The following GTF2I variants were observed in gnomAD, a reference collection of about 807,000 sequenced individuals.
GTF2I encodes the protein general transcription factor IIi, also known as general transcription factor II-I.
In GTF2I, 12 loss-of-function variants were observed where a neutral mutation model predicts 67.6. The ratio of observed to expected loss-of-function variants is 0.18; its 90% CI spans 0.11 to 0.29. The LOEUF (loss-of-function observed/expected upper bound fraction) is 0.29, where lower values mean the gene tolerates loss of function less well. GTF2I is among the 10% of genes least tolerant of loss of function. The pLI is 1.00. For synonymous variants in GTF2I, 149 were observed against 197.0 expected (o/e 0.76, Z 2.04); for missense variants, 271 against 580.1 (o/e 0.47, Z 5.47).
At chr7:74,678,956 G>C (rs1369943889) in intron 1 of GTF2I, among the ~76,000 whole-genome samples, 1 of 151,758 alleles carries the variant, frequency 6.6e-6, no homozygotes, top group Non-Finnish European at 1.5e-5. Context: ...ATTTTTAATA[G>C]AGATGGGGTT....
At chr7:74,692,344 A>G (rs1176200634) in intron 3 of GTF2I, among the ~76,000 whole-genome samples, 2 of 152,066 alleles carry the variant, frequency 1.3e-5, no homozygotes, top group African/African-American at 4.8e-5. Flanking sequence ...TGCTGGGATT[A>G]CAGGCGTGAG....
intron 12 of GTF2I, among the ~76,000 whole-genome samples, chr7:74,724,893 A>T (rs1554405382): frequency 6.6e-6 from 1 of 152,110 alleles, no homozygotes; most frequent in East Asian, 1.9e-4. Context: ...TGCCCACTGC[A>T]CTCCCAGCCT....
intron 1 of GTF2I, among the ~76,000 whole-genome samples, chr7:74,673,756 C>T (rs938526363): frequency 6.8e-6 from 1 of 147,744 alleles, no homozygotes; most frequent in East Asian, 2.0e-4. Flanking sequence ...TCTCAGCTCA[C>T]TGCAACCTCC....
rs1168619066 is a variant in GTF2I at position 74,661,419 on chromosome 7, C to T, written c.-6+3351C>T. ...TCTTGGCCGGGTGCGGTGGCTCACA[C>T]CTGTAATCCCAGCACTTTGGGAGGC... On this transcript the variant is annotated intron_variant, in intron 1 of 34. Transcript: ENST00000573035. 2.0e-5 allele frequency among the ~76,000 whole-genome samples: 3 copies of T among 152,140 alleles called. No homozygotes were observed. The East Asian group carries it at 5.8e-4, about 29-fold the overall frequency.
chr7:74,690,202 G>A lies in GTF2I; in HGVS notation c.100-771G>A, dbSNP rs587761969. ...CACACTCCAGCCTGGGCGACAGAGT[G>A]GAACTCTGTCTTAAAAAAAAAAAGA... On this transcript the variant is annotated intron_variant, in intron 2 of 34. Coordinates refer to ENST00000573035, the MANE Select transcript of GTF2I (RefSeq NM_032999.4). Among the ~76,000 whole-genome samples, 98 of 151,822 alleles carry A rather than the reference G, an allele frequency of 6.5e-4. 1 individual carries two copies. The highest frequency in any genetic ancestry group is 2.9e-5 in the Non-Finnish European group (2 of 67,920).
At chr7:74,687,454 C>G (rs1223763930) in intron 1 of GTF2I, 2 of 387,580 alleles carry the variant, frequency 5.2e-6, no homozygotes, top group Non-Finnish European at 7.1e-6. Context: ...AACTCCTGAC[C>G]TCAAGAGATC....
At chr7:74,695,967 G>A (rs1375638976) in intron 3 of GTF2I, among the ~76,000 whole-genome samples, 2 of 151,498 alleles carry the variant, frequency 1.3e-5, no homozygotes, top group Admixed American at 1.3e-4. Context: ...CTGTCCATCA[G>A]TATTCATACT....
At chr7:74,691,209 T>TTTC in intron 3 of GTF2I, 98 bp downstream of exon 3, 16 of 207,828 alleles carry the variant, frequency 7.7e-5, no homozygotes, top group Middle Eastern at 2.1e-3. Flanking sequence ...TCTTTCTTTC[T>TTTC]TTTTTTTTTT....
intron 1 of GTF2I, 30 bp downstream of exon 1, chr7:74,658,098 C>G (rs1201551303): frequency 6.6e-6 from 1 of 151,800 alleles, no homozygotes; most frequent in Non-Finnish European, 1.5e-5. Flanking sequence ...TCCCCGCGCC[C>G]CCCGCCCCCG....
intron 1 of GTF2I, among the ~76,000 whole-genome samples, chr7:74,661,447 A>C (rs1483107562): frequency 6.6e-6 from 1 of 152,122 alleles, no homozygotes; most frequent in African/African-American, 2.4e-5. Flanking sequence ...TGGGAGGCCG[A>C]GGGAGGTGGA....
At chr7:74,660,891 T>C (rs910156082) in intron 1 of GTF2I, among the ~76,000 whole-genome samples, 1 of 152,056 alleles carries the variant, frequency 6.6e-6, no homozygotes, top group African/African-American at 2.4e-5. Context: ...TCCCTCCACT[T>C]CCCCCTCCAG....
intron 1 of GTF2I, among the ~76,000 whole-genome samples, chr7:74,667,265 C>T (rs1457830741): frequency 6.6e-5 from 10 of 152,216 alleles, no homozygotes; most frequent in Admixed American, 6.5e-4. Flanking sequence ...ATCACTTGAA[C>T]CCGGGAGGTG....
intron 3 of GTF2I, among the ~76,000 whole-genome samples, chr7:74,695,749 T>G (rs193194616): frequency 5.9e-4 from 90 of 152,290 alleles, no homozygotes; most frequent in Non-Finnish European, 8.1e-4. Context: ...TGAGAAATGT[T>G]CAAGCATTGA....
rs782569487 is a variant in GTF2I, at chr7:74,714,929, C to T, written c.823+13C>T. 5.2e-6 allele frequency: 8 copies of T among 1,542,156 alleles called. No homozygotes were observed. In the African/African-American group the frequency reaches 5.5e-5, roughly 11 times the overall value. On this transcript the variant is annotated intron_variant, in intron 10 of 34. Transcript: ENST00000573035. ...AAGCCTTTGCAAGGTATAATCTTTT[C>T]ACTTCCATTCTCCCACATACTGCTT...
intron 3 of GTF2I, among the ~76,000 whole-genome samples, chr7:74,693,698 T>C (rs946166199): frequency 6.6e-6 from 1 of 152,044 alleles, no homozygotes; most frequent in Admixed American, 6.6e-5. Context: ...TACAAAAAAT[T>C]AGCTGGGTGT....
chr7:74,678,857 C>T (rs782662693), intron 1 of GTF2I, among the ~76,000 whole-genome samples: 27 of 151,894 alleles, frequency 1.8e-4, no homozygotes, highest in Non-Finnish European at 3.1e-4. Flanking sequence ...CTGCAACCTC[C>T]GCCTCCCGGG....
chr7:74,662,511 C>CTTTTTTTTTTTTTTTTTTTTTT (rs1161320476), intron 1 of GTF2I, among the ~76,000 whole-genome samples: 2 of 50,220 alleles, frequency 4.0e-5, no homozygotes, highest in African/African-American at 8.3e-5. Flanking sequence ...CACCTGGACC[C>CTTTTTTTTTTTTTTTTTTTTTT]TTTTTTTTTT....
intron 12 of GTF2I, chr7:74,726,675 C>G (rs1007395632): frequency 3.9e-5 from 6 of 152,092 alleles, no homozygotes; most frequent in Admixed American, 3.9e-4. Context: ...GAGACCCTGT[C>G]CCTACAAAAA....
At chr7:74,693,265 ATTTT>A (rs1158949751) in intron 3 of GTF2I, among the ~76,000 whole-genome samples, 3 of 83,020 alleles carry the variant, frequency 3.6e-5, no homozygotes, top group Non-Finnish European at 7.1e-5. Context: ...CTGTAGTGGA[ATTTT>A]TTTTTTTTTT....
Sources: allele counts gnomAD v4.1 joint callset (sites outside exome capture counted in the v4.1 genomes callset), GRCh38; gene constraint gnomAD v4.1.1; transcripts MANE v1.5; gene names NCBI Gene and HGNC (gene_info 2026-07-23, HGNC 2026-07-21).